The following MSRB3 variants were observed in gnomAD, a reference collection of about 807,000 sequenced individuals.
MSRB3 encodes the protein methionine-R-sulfoxide reductase B3.
A neutral mutation model predicts 21.0 loss-of-function variants in MSRB3; 13 were observed. That is an observed-to-expected ratio of 0.62 (90% confidence interval 0.40 to 0.98). MSRB3 has a LOEUF of 0.98. MSRB3 is among the 50% of genes least tolerant of loss of function. The probability of loss-of-function intolerance (pLI) is 0.00; values close to 1 mark genes in which losing one functional copy is unlikely to be tolerated. For synonymous variants in MSRB3, 87 were observed against 88.6 expected (o/e 0.98, Z 0.10); for missense variants, 199 against 230.3 (o/e 0.86, Z 0.88).
chr12:65,418,664 A>C, intron 5 of MSRB3: 1 of 581,178 alleles, frequency 1.7e-6, no homozygotes, highest in South Asian at 2.2e-5. Flanking sequence ...TTTTTTTTTT[A>C]ACCTCTGAAC....
chr12:65,389,591 C>T (rs1362045915), intron 5 of MSRB3, among the ~76,000 whole-genome samples: 1 of 152,206 alleles, frequency 6.6e-6, no homozygotes, highest in Non-Finnish European at 1.5e-5. Flanking sequence ...ACCGTCCAAT[C>T]AACAACTGAG....
At chr12:65,393,641 A>C (rs1401339379) in intron 5 of MSRB3, among the ~76,000 whole-genome samples, 3 of 151,768 alleles carry the variant, frequency 2.0e-5, no homozygotes, top group African/African-American at 7.2e-5. Flanking sequence ...AAAAAAAAAA[A>C]AAAAAAAAAA....
intron 5 of MSRB3, among the ~76,000 whole-genome samples, chr12:65,380,566 C>T (rs1304963879): frequency 6.6e-6 from 1 of 152,076 alleles, no homozygotes; most frequent in African/African-American, 2.4e-5. Context: ...CAGAGTGAGA[C>T]CTTGTCTCAA....
intron 1 of MSRB3, chr12:65,279,070 A>C: frequency 1.4e-6 from 2 of 1,412,154 alleles, no homozygotes; most frequent in Middle Eastern, 2.4e-4. Flanking sequence ...GAACGGAAGG[A>C]GGTCAGGGCT....
chr12:65,420,888 G>A (rs1360040247), intron 5 of MSRB3, among the ~76,000 whole-genome samples: 1 of 152,214 alleles, frequency 6.6e-6, no homozygotes, highest in Non-Finnish European at 1.5e-5. Context: ...CATTTAGGCT[G>A]ATTCAGTGTC....
At chr12:65,413,883 A>G (rs562668136) in intron 5 of MSRB3, among the ~76,000 whole-genome samples, 1 of 152,326 alleles carries the variant, frequency 6.6e-6, no homozygotes, top group East Asian at 1.9e-4. Flanking sequence ...AGAAGAAGAC[A>G]TGTAAGCAAA....
chr12:65,410,861 C>A (rs1290100349), intron 5 of MSRB3, among the ~76,000 whole-genome samples: 2 of 151,974 alleles, frequency 1.3e-5, no homozygotes, highest in East Asian at 1.9e-4. Context: ...TAAACAGTGA[C>A]CAAAGCAGAA....
At chr12:65,307,307 A>G (rs1472405766) in intron 1 of MSRB3, among the ~76,000 whole-genome samples, 1 of 152,090 alleles carries the variant, frequency 6.6e-6, no homozygotes, top group African/African-American at 2.4e-5. Context: ...TTAGTCTTGT[A>G]GTGAGTTTAG....
intron 6 of MSRB3, among the ~76,000 whole-genome samples, chr12:65,456,225 G>A (rs1163032609): frequency 2.6e-5 from 4 of 152,080 alleles, no homozygotes; most frequent in South Asian, 2.1e-4. Flanking sequence ...TTACGTGATC[G>A]TTTTAACTCG....
At chr12:65,322,032 T>C (rs1268974707) in intron 2 of MSRB3, among the ~76,000 whole-genome samples, 3 of 152,160 alleles carry the variant, frequency 2.0e-5, no homozygotes, top group African/African-American at 7.2e-5. Flanking sequence ...TTTGTTTTGA[T>C]TTTTCACACC....
Position 65,279,148 on chromosome 12 carries a change from C to T in MSRB3, c.-52+283C>T. ...CTGACACCTTATCCTGTCCCGGGAG[C>T]GAACCTGAACCCGCGGGAGCCTCTC... On this transcript the variant is annotated intron_variant, in intron 1 of 6. Coordinates refer to ENST00000308259, the MANE Select transcript of MSRB3 (RefSeq NM_001031679.3). 2.6e-6 allele frequency: 3 copies of T among 1,174,536 alleles called. No homozygotes were observed. The South Asian group carries it at 6.1e-5, about 24-fold the overall frequency. The allele number at this position is 1,174,536 out of a possible 1,614,324, so 72.8% of individuals were successfully genotyped here.
intron 1 of MSRB3, among the ~76,000 whole-genome samples, chr12:65,306,210 T>C (rs921750020): frequency 2.0e-5 from 3 of 152,224 alleles, no homozygotes; most frequent in Admixed American, 2.0e-4. Flanking sequence ...AAGTGTTTTA[T>C]TTTATTTACC....
intron 5 of MSRB3, among the ~76,000 whole-genome samples, chr12:65,379,318 A>G (rs1414135728): frequency 7.9e-5 from 12 of 152,142 alleles, no homozygotes; most frequent in Non-Finnish European, 1.3e-4. Flanking sequence ...CTTGTTTCCA[A>G]ATTCACAGAG....
rs190051840 is a variant in MSRB3, at chr12:65,359,362, C to T, written c.264-9636C>T. Among the ~76,000 whole-genome samples, 15 of 152,032 alleles carry T rather than the reference C, an allele frequency of 9.9e-5. No homozygotes were observed. In the East Asian group the frequency reaches 1.7e-3, roughly 18 times the overall value. ...TCAGTAATTGTGTCTAGAACTAGCC[C>T]GCTAGCCATAACTTCTATTATTCTA... On this transcript the variant is annotated intron_variant, in intron 4 of 6. Transcript: ENST00000308259.
At chr12:65,460,337 C>G (rs1883266524) in intron 6 of MSRB3, among the ~76,000 whole-genome samples, 1 of 152,222 alleles carries the variant, frequency 6.6e-6, no homozygotes, top group Non-Finnish European at 1.5e-5. Flanking sequence ...CGTGCGCGTA[C>G]TCTCAGGGAG....
At chr12:65,405,870 T>C (rs1257042936) in intron 5 of MSRB3, among the ~76,000 whole-genome samples, 1 of 152,212 alleles carries the variant, frequency 6.6e-6, no homozygotes, top group Non-Finnish European at 1.5e-5. Flanking sequence ...TGTTGGCCAT[T>C]TGTATGTCTA....
At chr12:65,397,539 T>C (rs1449157104) in intron 5 of MSRB3, among the ~76,000 whole-genome samples, 4 of 152,212 alleles carry the variant, frequency 2.6e-5, no homozygotes, top group Non-Finnish European at 5.9e-5. Context: ...GCATTTTGTA[T>C]GATTCCATTT....
In MSRB3 at chr12:65,334,682, C is replaced by T. The variant is rs925646138; in HGVS notation, c.263+6079C>T. ...TCATGGCAGGTCATCAAGAAGGACT[C>T]AGTTTCAGGCAGGTTATTATCTGTC... On this transcript the variant is annotated intron_variant, in intron 4 of 6. Transcript: ENST00000308259. 2.0e-5 allele frequency among the ~76,000 whole-genome samples: 3 copies of T among 152,116 alleles called. No homozygotes were observed. The East Asian group carries it at 5.8e-4, about 29-fold the overall frequency.
chr12:65,316,185 C>T (rs1164641032), intron 2 of MSRB3: 1 of 152,062 alleles, frequency 6.6e-6, no homozygotes. Flanking sequence ...TATTCCTATT[C>T]TGCATCTGTA....
Sources: allele counts gnomAD v4.1 joint callset (sites outside exome capture counted in the v4.1 genomes callset), GRCh38; gene constraint gnomAD v4.1.1; transcripts MANE v1.5; gene names NCBI Gene and HGNC (gene_info 2026-07-23, HGNC 2026-07-21).